Variants in RNF169 observed in about 807,000 individuals in gnomAD.
RNF169 encodes E3 ubiquitin-protein ligase RNF169.
RNF169 carries 24 observed loss-of-function variants against 53.9 expected under a neutral mutation model. The ratio of observed to expected loss-of-function variants is 0.45; its 90% CI spans 0.32 to 0.63. The LOEUF is 0.63. RNF169 is among the 20% of genes least tolerant of loss of function. RNF169 has a pLI of 0.04. For missense variants in RNF169, 883 were observed against 906.2 expected, an observed-to-expected ratio of 0.97 and a Z score of 0.33; for synonymous variants, 396 against 363.5, an observed-to-expected ratio of 1.09 and a Z score of -1.02.
chr11:74,836,401 G>T lies in RNF169; in HGVS notation c.1798G>T (p.Asp600Tyr), dbSNP rs2036257773. Residue 600 changes from aspartate to tyrosine, a missense_variant, in exon 6 of 6, where the codon GAT becomes TAT. This residue lies in a region of RNF169 where 351 missense variants were observed against 337.3 expected (regional missense o/e 1.04). Coordinates refer to ENST00000299563, the MANE Select transcript of RNF169 (RefSeq NM_001098638.2). ...ACAATTGAAGACATTAAATCATTTTGATCTGACTAATGGTGTTCTAGTTGA... is the reference window on the plus strand; with the variant it reads ...ACAATTGAAGACATTAAATCATTTTTATCTGACTAATGGTGTTCTAGTTGA... ...KQQLKTLNHF[D>Y]LTNGVLVESL... is the part of the protein sequence containing the mutation. 6.2e-7 allele frequency: 1 copy of T among 1,614,064 alleles called. No homozygotes were observed. The highest frequency in any genetic ancestry group is 1.7e-5 in the Admixed American group (1 of 60,002).
chr11:74,774,150 G>T lies in RNF169; in HGVS notation c.503-15476G>T, dbSNP rs532006041. On this transcript the variant is annotated intron_variant, in intron 1 of 5. Coordinates refer to ENST00000299563, the MANE Select transcript of RNF169 (RefSeq NM_001098638.2). ...AGGCCAGGAGTTCGAGACCAGCCTGGCCAACATGGTGAAACCCTGTCTCTG... is the reference window on the plus strand; with the variant it reads ...AGGCCAGGAGTTCGAGACCAGCCTGTCCAACATGGTGAAACCCTGTCTCTG... Among the ~76,000 whole-genome samples, 4 of 152,176 alleles carry T rather than the reference G, an allele frequency of 2.6e-5. No individual in the cohort carries two copies. In the South Asian group the frequency reaches 8.3e-4, roughly 32 times the overall value.
rs754529096 is a variant in RNF169, at chr11:74,836,677, G to A, written c.2074G>A (p.Gly692Arg). ...NERRTVSRRK[G>R]SVDQYLLRSS... ...GAGGCGGACTGTGAGCCGGCGAAAAGGAAGTGTGGATCAGTATCTCCTACG... is the reference window on the plus strand; with the variant it reads ...GAGGCGGACTGTGAGCCGGCGAAAAAGAAGTGTGGATCAGTATCTCCTACG... Residue 692 changes from glycine (G) to arginine (R), a missense_variant, in exon 6 of 6, where the codon GGA (glycine) becomes AGA (arginine). Around this residue, in one of 3 missense-constraint regions of RNF169, gnomAD observed 351 missense variants for 337.3 expected, o/e 1.04. Coordinates refer to ENST00000299563, the MANE Select transcript of RNF169 (RefSeq NM_001098638.2). The A allele has an allele frequency of 1.9e-6, 3 of 1,613,502 alleles. No individual in the cohort carries two copies. Among genetic ancestry groups the A allele is most frequent in the South Asian group, 2.2e-5 (2 of 91,082 alleles).
At chr11:74,780,540 T>C (rs1402525018) in intron 1 of RNF169, among the ~76,000 whole-genome samples, 1 of 152,230 alleles carries the variant, frequency 6.6e-6, no homozygotes, top group African/African-American at 2.4e-5. Flanking sequence ...TGATCCTTTT[T>C]CCTTTCCTCA....
chr11:74,791,892 T>TG (rs939342591), intron 2 of RNF169, among the ~76,000 whole-genome samples: 16 of 152,234 alleles, frequency 1.1e-4, no homozygotes, highest in African/African-American at 3.9e-4. Context: ...GCCGGCTCCG[T>TG]GGAGCGTACA....
chr11:74,805,466 A>G (rs892591431), intron 2 of RNF169, among the ~76,000 whole-genome samples: 3 of 152,228 alleles, frequency 2.0e-5, no homozygotes, highest in Admixed American at 6.5e-5. Context: ...TATACATTTG[A>G]CAAAACTCAT....
At chr11:74,761,428 A>G (rs1472496197) in intron 1 of RNF169, among the ~76,000 whole-genome samples, 20 of 148,220 alleles carry the variant, frequency 1.3e-4, no homozygotes, top group African/African-American at 5.0e-4. Context: ...ACATTTTGGC[A>G]TGATTTTGCA....
chr11:74,780,574 G>A (rs1479480853), intron 1 of RNF169, among the ~76,000 whole-genome samples: 1 of 152,148 alleles, frequency 6.6e-6, no homozygotes, highest in Non-Finnish European at 1.5e-5. Context: ...ATGCACGCTT[G>A]CCTTATGATG....
chr11:74,819,209 T>G (rs2035978150), intron 4 of RNF169, among the ~76,000 whole-genome samples: 1 of 152,196 alleles, frequency 6.6e-6, no homozygotes, highest in African/African-American at 2.4e-5. Flanking sequence ...GCTGCAATTT[T>G]TATCTTCTCT....
chr11:74,771,077 G>A (rs1224744659), intron 1 of RNF169, among the ~76,000 whole-genome samples: 2 of 151,994 alleles, frequency 1.3e-5, no homozygotes, highest in East Asian at 1.9e-4. Flanking sequence ...CAAAGTGCTG[G>A]GATTACAGGC....
At position 74,750,865 on chromosome 11, in the gene RNF169, G is replaced by GTTTTT. The variant is rs35173529; in HGVS notation, c.502+1505_502+1509dup. Among the ~76,000 whole-genome samples the GTTTTT allele has an allele frequency of 1.1e-3, 69 of 60,136 alleles. 12 individuals are homozygous for GTTTTT. The highest frequency in any genetic ancestry group is 4.2e-3 in the African/African-American group (61 of 14,482). 39.5% of individuals were successfully genotyped at this position (60,136 alleles called of 152,430 possible). ...GATCCGCCCGCCTTGGCCTCCCAAG[G>GTTTTT]TTTTTTTTTTTTTTTTTTTTTTTTT... On this transcript the variant is annotated intron_variant, in intron 1 of 5. Coordinates refer to ENST00000299563, the MANE Select transcript of RNF169 (RefSeq NM_001098638.2).
chr11:74,780,882 G>A (rs1485279556), intron 1 of RNF169, among the ~76,000 whole-genome samples: 3 of 152,210 alleles, frequency 2.0e-5, no homozygotes, highest in African/African-American at 4.8e-5. Flanking sequence ...TTCTTCATGA[G>A]ACTGAGGATA....
In RNF169 at chr11:74,749,342, C is replaced by G; in HGVS notation, c.462C>G (p.Pro154=). The part of the protein sequence containing the change: ...RRDGGAAAAG[P]RPEQEPRAAP... ...ACGGGGGCGCGGCTGCCGCGGGGCCCAGGCCAGAGCAGGAGCCGCGTGCCG... is the reference window on the plus strand; with the variant it reads ...ACGGGGGCGCGGCTGCCGCGGGGCCGAGGCCAGAGCAGGAGCCGCGTGCCG... Residue 154 remains proline, a synonymous_variant, in exon 1 of 6, where the codon CCC becomes CCG. Coordinates refer to ENST00000299563, the MANE Select transcript of RNF169 (RefSeq NM_001098638.2). The G allele has an allele frequency of 1.6e-6, 2 of 1,219,910 alleles. No homozygotes were observed. The highest frequency in any genetic ancestry group is 3.9e-5 in the South Asian group (1 of 25,502). 75.6% of individuals were successfully genotyped at this position (1,219,910 alleles called of 1,614,324 possible).
intron 4 of RNF169, chr11:74,832,236 T>G (rs967034060): frequency 1.3e-5 from 2 of 152,154 alleles, no homozygotes; most frequent in African/African-American, 2.4e-5. Flanking sequence ...ATAGGAGAGA[T>G]AATGACAATT....
chr11:74,784,723 T>C (rs1161082130), intron 1 of RNF169, among the ~76,000 whole-genome samples: 4 of 152,210 alleles, frequency 2.6e-5, no homozygotes, highest in Non-Finnish European at 4.4e-5. Flanking sequence ...TTATATTGTT[T>C]CTGTAGTTTA....
intron 1 of RNF169, 54 bp downstream of exon 1, chr11:74,749,436 G>A: frequency 1.7e-6 from 2 of 1,210,514 alleles, no homozygotes; most frequent in Non-Finnish European, 1.0e-6. Context: ...GCGCGCCCCG[G>A]CCCGGCCTGG....
At chr11:74,810,078 C>T in intron 2 of RNF169, 106 bp from the exon 3 acceptor site, 1 of 1,004,890 alleles carries the variant, frequency 1.0e-6, no homozygotes, top group Non-Finnish European at 1.5e-6. Flanking sequence ...AAAACAGTCT[C>T]AAAACTGCCA....
At chr11:74,798,737 A>G (rs1470908490) in intron 2 of RNF169, among the ~76,000 whole-genome samples, 2 of 152,044 alleles carry the variant, frequency 1.3e-5, no homozygotes, top group African/African-American at 4.8e-5. Flanking sequence ...CTGACATGTG[A>G]TGTTTCCCCT....
chr11:74,824,016 A>C (rs1205523410), intron 4 of RNF169, among the ~76,000 whole-genome samples: 1 of 152,158 alleles, frequency 6.6e-6, no homozygotes, highest in Non-Finnish European at 1.5e-5. Flanking sequence ...CATAAGAAAC[A>C]AGAAACAATG....
At chr11:74,803,236 C>T (rs2035759519) in intron 2 of RNF169, among the ~76,000 whole-genome samples, 1 of 152,134 alleles carries the variant, frequency 6.6e-6, no homozygotes. Context: ...CAGGCGCCCA[C>T]CACCACGCCT....
Sources: gnomAD v4.1 joint callset for allele counts (sites outside exome capture counted in the v4.1 genomes callset) on GRCh38, gnomAD v4.1.1 for gene constraint, gnomAD v4.1.1 regional missense constraint, MANE v1.5 for transcripts, NCBI Gene and HGNC (gene_info 2026-07-23, HGNC 2026-07-21) for gene names.